The following SMYD3 variants were observed in gnomAD, a reference collection of about 807,000 sequenced individuals.
SMYD3 encodes the protein SET and MYND domain containing 3.
SMYD3 carries 36 observed loss-of-function variants against 57.7 expected under a neutral mutation model. The observed-to-expected ratio is 0.62, with a 90% CI of 0.48 to 0.82. SMYD3 has a LOEUF of 0.82. Ranked by LOEUF, SMYD3 falls within the 40% of genes least tolerant of loss-of-function variation. The pLI, the probability that SMYD3 is intolerant of heterozygous loss-of-function variation, is 0.00. For synonymous variants in SMYD3, 211 were observed against 195.0 expected, an observed-to-expected ratio of 1.08 and a Z score of -0.68; for missense variants, 515 against 538.8, an observed-to-expected ratio of 0.96 and a Z score of 0.44.
At chr1:246,403,755 A>AT (rs1222981576) in intron 1 of SMYD3, among the ~76,000 whole-genome samples, 3 of 152,254 alleles carry the variant, frequency 2.0e-5, no homozygotes, top group African/African-American at 7.2e-5. Context: ...GCAATAACAC[A>AT]TACATGCTGA....
intron 5 of SMYD3, among the ~76,000 whole-genome samples, chr1:246,155,471 G>C (rs1177111338): frequency 6.6e-6 from 1 of 152,164 alleles, no homozygotes; most frequent in African/African-American, 2.4e-5. Context: ...CCATCAACCA[G>C]TGCTGCTCTA....
rs1323650343 is a variant in SMYD3 at position 245,940,010 on chromosome 1, T to C, written c.532-10073A>G. On this transcript the variant is annotated intron_variant, in intron 5 of 11. Coordinates refer to ENST00000490107, the MANE Select transcript of SMYD3 (RefSeq NM_001167740.2). ...GGGAGGAATTCTCCACAGTGCAGCA[T>C]AGCGGCTATGGCAAATCATGGCCAG... is the stretch of plus-strand genomic sequence containing the variant. 3.3e-5 allele frequency among the ~76,000 whole-genome samples: 5 copies of C among 152,308 alleles called. No individual in the cohort carries two copies. The East Asian group carries it at 9.7e-4, about 29-fold the overall frequency.
In SMYD3 at chr1:246,173,048, G is replaced by A. The variant is rs796108541; in HGVS notation, c.531+154153C>T. The stretch of plus-strand genomic sequence containing the variant: ...CTCTACTGTAGACTTTATCAACACC[G>A]CACACTTAGGCTACACAGGCCTAGA... On this transcript the variant is annotated intron_variant, in intron 5 of 11. Transcript: ENST00000490107. 3.2e-4 allele frequency among the ~76,000 whole-genome samples: 39 copies of A among 121,632 alleles called. 1 individual carries two copies. The highest frequency in any genetic ancestry group is 1.1e-3 in the South Asian group (4 of 3,488). The allele number at this position is 121,632 out of a possible 152,430, so 79.8% of individuals were successfully genotyped here.
intron 10 of SMYD3, among the ~76,000 whole-genome samples, chr1:245,827,166 A>G (rs2049548293): frequency 6.6e-6 from 1 of 152,118 alleles, no homozygotes; most frequent in Non-Finnish European, 1.5e-5. Context: ...AGGCCCAGGG[A>G]GATTAAACGG....
chr1:245,997,624 G>T (rs1411045388), intron 5 of SMYD3, among the ~76,000 whole-genome samples: 1 of 152,154 alleles, frequency 6.6e-6, no homozygotes, highest in Non-Finnish European at 1.5e-5. Context: ...TGCAGGAAAG[G>T]ACTTTCTCCA....
At chr1:245,966,342 G>GT (rs1224685014) in intron 5 of SMYD3, among the ~76,000 whole-genome samples, 17 of 151,928 alleles carry the variant, frequency 1.1e-4, no homozygotes, top group African/African-American at 4.1e-4. Flanking sequence ...TAATGTTTCA[G>GT]TTTCTTCGTA....
chr1:246,100,991 A>G (rs1558228680), intron 5 of SMYD3, among the ~76,000 whole-genome samples: 1 of 150,866 alleles, frequency 6.6e-6, no homozygotes, highest in Non-Finnish European at 1.5e-5. Context: ...AAGTTTCAGT[A>G]TCTTCCAGAA....
chr1:246,102,755 A>AAAAAT (rs200094097), intron 5 of SMYD3, among the ~76,000 whole-genome samples: 2 of 146,924 alleles, frequency 1.4e-5, no homozygotes, highest in South Asian at 4.5e-4. Context: ...AAAAAAAAAA[A>AAAAAT]AATAATAATA....
intron 5 of SMYD3, among the ~76,000 whole-genome samples, chr1:246,305,596 T>C (rs1197245873): frequency 6.6e-6 from 1 of 152,108 alleles, no homozygotes; most frequent in East Asian, 1.9e-4. Context: ...ATAAAGGAAA[T>C]ATAGCTATTT....
intron 1 of SMYD3, among the ~76,000 whole-genome samples, chr1:246,451,956 C>T (rs745712229): frequency 2.6e-5 from 4 of 152,090 alleles, no homozygotes; most frequent in Admixed American, 6.5e-5. Flanking sequence ...GTAGCACAAC[C>T]GCAACTGCTT....
intron 5 of SMYD3, among the ~76,000 whole-genome samples, chr1:245,955,134 C>G (rs779146614): frequency 6.6e-6 from 1 of 152,180 alleles, no homozygotes; most frequent in Non-Finnish European, 1.5e-5. Flanking sequence ...CTCTGTCGCC[C>G]AGGCTGGACT....
intron 5 of SMYD3, among the ~76,000 whole-genome samples, chr1:246,247,801 A>G (rs1038924418): frequency 1.1e-4 from 16 of 152,272 alleles, no homozygotes; most frequent in African/African-American, 3.9e-4. Context: ...CTTCTAGTAG[A>G]TTACAGAATT....
intron 5 of SMYD3, among the ~76,000 whole-genome samples, chr1:245,966,049 T>C (rs987127555): frequency 6.6e-6 from 1 of 152,224 alleles, no homozygotes; most frequent in Non-Finnish European, 1.5e-5. Context: ...GGTTCTCAAA[T>C]AAAAAGTTTA....
intron 5 of SMYD3, among the ~76,000 whole-genome samples, chr1:245,968,650 T>C (rs1442992977): frequency 6.6e-6 from 1 of 152,206 alleles, no homozygotes; most frequent in Non-Finnish European, 1.5e-5. Flanking sequence ...TCTTTGAATC[T>C]TGTGACTCGG....
intron 8 of SMYD3, among the ~76,000 whole-genome samples, chr1:245,867,666 G>GCACACACACA (rs66978528): frequency 1.4e-5 from 2 of 139,824 alleles, no homozygotes; most frequent in East Asian, 4.0e-4. Flanking sequence ...GTGCGTGCGC[G>GCACACACACA]CGCACACACA....
chr1:246,443,215 CTAATGTGT>C (rs2067497934), intron 1 of SMYD3, among the ~76,000 whole-genome samples: 1 of 152,206 alleles, frequency 6.6e-6, no homozygotes, highest in South Asian at 2.1e-4. Context: ...GAGTAAGATT[CTAATGTGT>C]TAAACCCTAT....
At chr1:246,280,408 G>A (rs900935715) in intron 5 of SMYD3, among the ~76,000 whole-genome samples, 2 of 152,122 alleles carry the variant, frequency 1.3e-5, no homozygotes, top group African/African-American at 4.8e-5. Flanking sequence ...GCTGCCATGC[G>A]ACAGAAAAGA....
intron 5 of SMYD3, among the ~76,000 whole-genome samples, chr1:246,298,076 T>C (rs535819884): frequency 8.1e-4 from 124 of 152,204 alleles, no homozygotes; most frequent in African/African-American, 2.8e-3. Context: ...CTACACCCTC[T>C]TCTGGAAAGA....
At chr1:246,326,289 A>T in intron 5 of SMYD3, 1 of 605,384 alleles carries the variant, frequency 1.7e-6, no homozygotes, top group Non-Finnish European at 3.0e-6. Flanking sequence ...AAATGCAAAC[A>T]CACAATGTGA....
Sources: allele counts gnomAD v4.1 joint callset (sites outside exome capture counted in the v4.1 genomes callset), GRCh38; gene constraint gnomAD v4.1.1; transcripts MANE v1.5; gene names NCBI Gene and HGNC (gene_info 2026-07-23, HGNC 2026-07-21).